Variants in PHIP observed in about 807,000 individuals in gnomAD.
PHIP encodes PHIP subunit of CUL4-Ring ligase complex.
In PHIP, 54 loss-of-function variants were observed where a neutral mutation model predicts 236.8. The observed-to-expected ratio is 0.23, with a 90% CI of 0.18 to 0.29. The LOEUF (loss-of-function observed/expected upper bound fraction) is 0.29. Among genes scored for constraint, PHIP ranks in the 10% least tolerant of loss-of-function variants. The pLI, the probability that PHIP is intolerant of heterozygous loss-of-function variation, is 1.00. For missense variants in PHIP, 1,370 were observed against 2,190.8 expected (o/e 0.63, Z 7.48); for synonymous variants, 756 against 718.9 (o/e 1.05, Z -0.83).
intron 24 of PHIP, among the ~76,000 whole-genome samples, chr6:78,977,223 G>A (rs1035051187): frequency 7.1e-4 from 107 of 151,196 alleles, no homozygotes; most frequent in Non-Finnish European, 1.2e-3. Flanking sequence ...CATGTCCTTT[G>A]TAGGGACATG....
chr6:79,070,811 G>A lies in PHIP; in HGVS notation c.189+6637C>T, dbSNP rs185699368. On this transcript the variant is annotated intron_variant, in intron 4 of 39. Coordinates refer to ENST00000275034, the MANE Select transcript of PHIP (RefSeq NM_017934.7). The stretch of plus-strand genomic sequence containing the variant: ...GATTACTTATAATATCTAATACAAC[G>A]TAAATGTTATGTAAATAATTGTTAC... Among the ~76,000 whole-genome samples, 66 of 152,100 alleles carry A rather than the reference G, an allele frequency of 4.3e-4. 1 individual carries two copies. The highest frequency in any genetic ancestry group is 3.1e-3 in the Admixed American group (47 of 15,298).
chr6:79,074,478 C>A (rs1329358720), intron 4 of PHIP, among the ~76,000 whole-genome samples: 1 of 151,960 alleles, frequency 6.6e-6, no homozygotes, highest in Admixed American at 6.5e-5. Flanking sequence ...GTTTTTTATT[C>A]TACAGTTTAA....
At chr6:78,968,298 G>C (rs1030125506) in intron 27 of PHIP, among the ~76,000 whole-genome samples, 3 of 152,158 alleles carry the variant, frequency 2.0e-5, no homozygotes, top group Non-Finnish European at 4.4e-5. Flanking sequence ...ATTTTTGACA[G>C]TAAGTATCAG....
chr6:79,036,088 T>C (rs562549749), intron 7 of PHIP, among the ~76,000 whole-genome samples: 23 of 152,166 alleles, frequency 1.5e-4, no homozygotes, highest in Non-Finnish European at 2.6e-4. Context: ...ATTTACTGGG[T>C]AGGCTAAGCA....
intron 4 of PHIP, among the ~76,000 whole-genome samples, chr6:79,070,516 AG>A (rs1427382939): frequency 2.0e-5 from 3 of 151,508 alleles, no homozygotes; most frequent in Non-Finnish European, 4.4e-5. Flanking sequence ...GTCAAACACA[AG>A]GTATGTATTT....
chr6:78,980,410 G>T (rs995682920), intron 23 of PHIP, among the ~76,000 whole-genome samples: 1 of 151,958 alleles, frequency 6.6e-6, no homozygotes. Flanking sequence ...GTAAAGTGCT[G>T]AATATACTTA....
intron 19 of PHIP, among the ~76,000 whole-genome samples, chr6:78,995,045 G>A (rs1262768003): frequency 6.6e-6 from 1 of 152,168 alleles, no homozygotes; most frequent in Non-Finnish European, 1.5e-5. Flanking sequence ...CCCAAAGTAT[G>A]CCTGTATCTT....
intron 6 of PHIP, among the ~76,000 whole-genome samples, chr6:79,049,608 A>T (rs1772685571): frequency 6.6e-6 from 1 of 152,216 alleles, no homozygotes; most frequent in Non-Finnish European, 1.5e-5. Flanking sequence ...TATCACTGTA[A>T]AACAACAGTT....
chr6:79,045,772 A>G (rs1420844729), intron 6 of PHIP, among the ~76,000 whole-genome samples: 1 of 152,130 alleles, frequency 6.6e-6, no homozygotes, highest in Non-Finnish European at 1.5e-5. Flanking sequence ...CAAAAGGATA[A>G]ATTCTTTATA....
intron 23 of PHIP, among the ~76,000 whole-genome samples, chr6:78,981,490 T>C (rs1371058438): frequency 6.6e-6 from 1 of 152,006 alleles, no homozygotes; most frequent in Admixed American, 6.6e-5. Flanking sequence ...CCTATCACAA[T>C]ACTTTGTTGC....
At chr6:78,980,783 T>C (rs540190691) in intron 23 of PHIP, among the ~76,000 whole-genome samples, 2 of 152,076 alleles carry the variant, frequency 1.3e-5, no homozygotes, top group Non-Finnish European at 2.9e-5. Flanking sequence ...GCTAAAAGTT[T>C]GTTTGAAAAA....
intron 10 of PHIP, among the ~76,000 whole-genome samples, chr6:79,018,717 C>CTTAA (rs1392972017): frequency 6.6e-6 from 1 of 151,886 alleles, no homozygotes; most frequent in African/African-American, 2.4e-5. Flanking sequence ...ATTTATTTTA[C>CTTAA]TTAACTATAG....
At chr6:78,945,068 T>C (rs537777229) in intron 39 of PHIP, among the ~76,000 whole-genome samples, 44 of 152,218 alleles carry the variant, frequency 2.9e-4, no homozygotes, top group Middle Eastern at 6.8e-3. Context: ...AATTTAAACT[T>C]TGAAGATTTA....
At chr6:79,077,615 G>A in intron 3 of PHIP, 85 bp downstream of exon 3, 1 of 866,400 alleles carries the variant, frequency 1.2e-6, no homozygotes, top group Non-Finnish European at 1.4e-6. Flanking sequence ...CGCGCCCCGC[G>A]CCCTGCCGGC....
chr6:78,972,382 C>G (rs1470485156), intron 24 of PHIP, among the ~76,000 whole-genome samples: 1 of 152,172 alleles, frequency 6.6e-6, no homozygotes, highest in Non-Finnish European at 1.5e-5. Flanking sequence ...ATCTGTACAT[C>G]ACCATCATCA....
chr6:79,022,543 T>C (rs1771171443), intron 9 of PHIP, among the ~76,000 whole-genome samples: 1 of 152,166 alleles, frequency 6.6e-6, no homozygotes, highest in African/African-American at 2.4e-5. Flanking sequence ...AGGGTTGTTA[T>C]AGGGATTGAG....
At chr6:79,074,278 T>C (rs887311157) in intron 4 of PHIP, among the ~76,000 whole-genome samples, 3 of 151,992 alleles carry the variant, frequency 2.0e-5, no homozygotes. Context: ...AAAAGAGAAG[T>C]CTTACAAGAA....
chr6:79,004,040 G>A (rs1181125501), intron 15 of PHIP, among the ~76,000 whole-genome samples, 182 bp from the exon 16 acceptor site: 1 of 151,994 alleles, frequency 6.6e-6, no homozygotes, highest in African/African-American at 2.4e-5. Flanking sequence ...TAATAGCCTT[G>A]AAAAATAAAG....
chr6:79,023,865 T>C (rs947784114), intron 9 of PHIP, among the ~76,000 whole-genome samples: 2 of 152,198 alleles, frequency 1.3e-5, no homozygotes, highest in South Asian at 2.1e-4. Context: ...CTATCCCAAT[T>C]TGAACATTGC....
Sources: allele counts gnomAD v4.1 joint callset (sites outside exome capture counted in the v4.1 genomes callset), GRCh38; gene constraint gnomAD v4.1.1; transcripts MANE v1.5; gene names NCBI Gene and HGNC (gene_info 2026-07-23, HGNC 2026-07-21).